The following GNS variants were observed in gnomAD, a reference collection of about 807,000 sequenced individuals.
The protein encoded by GNS is N-acetylglucosamine-6-sulfatase.
A neutral mutation model predicts 69.7 loss-of-function variants in GNS; 40 were observed. The observed-to-expected ratio is 0.57, with a 90% confidence interval of 0.45 to 0.75. The LOEUF is 0.75. GNS is among the 30% of genes least tolerant of loss of function. The pLI, the probability that GNS is intolerant of heterozygous loss-of-function variation, is 0.00. For synonymous variants in GNS, 243 were observed against 251.6 expected, an observed-to-expected ratio of 0.97 and a Z score of 0.32; for missense variants, 565 against 685.5, an observed-to-expected ratio of 0.82 and a Z score of 1.96.
At chr12:64,730,050 G>A (rs1212399449) in intron 9 of GNS, among the ~76,000 whole-genome samples, 1 of 152,160 alleles carries the variant, frequency 6.6e-6, no homozygotes, top group East Asian at 1.9e-4. Flanking sequence ...GAGAATGTAA[G>A]CATAGAAGTC....
In GNS at chr12:64,716,216, T is replaced by C. The variant is rs1868853512; in HGVS notation, c.*525A>G. 5.5e-6 allele frequency: 1 copy of C among 181,676 alleles called. No homozygotes were observed. Among genetic ancestry groups the C allele is most frequent in the Admixed American group, 5.3e-5 (1 of 18,748 alleles). The allele number at this position is 181,676 out of a possible 1,614,324, so 11.3% of individuals were successfully genotyped here. A position where few individuals can be genotyped will look rare whatever the true frequency, so the allele number is the denominator to read the frequency against. ...TGTATCTCTACTTATCAATCAACAA[T>C]GGTACTTGTTCTTACTTGGATGATT... On this transcript the variant is annotated 3_prime_UTR_variant, in exon 14 of 14. Coordinates refer to ENST00000258145, the MANE Select transcript of GNS (RefSeq NM_002076.4).
At chr12:64,742,675 C>T (rs1869784168) in intron 6 of GNS, among the ~76,000 whole-genome samples, 1 of 152,204 alleles carries the variant, frequency 6.6e-6, no homozygotes, top group Admixed American at 6.5e-5. Context: ...GTAATTGGCA[C>T]GTGAGGCAAA....
intron 9 of GNS, among the ~76,000 whole-genome samples, chr12:64,735,772 C>T (rs2136243935): frequency 1.3e-5 from 2 of 152,270 alleles, no homozygotes; most frequent in East Asian, 3.9e-4. Context: ...TGCTTATCTC[C>T]TTTGAAAGAG....
chr12:64,745,500 G>T (rs1052461610), intron 4 of GNS, among the ~76,000 whole-genome samples, 159 bp downstream of exon 4: 1 of 152,004 alleles, frequency 6.6e-6, no homozygotes, highest in Non-Finnish European at 1.5e-5. Flanking sequence ...GATTCTAGGC[G>T]TGAGCCACTA....
chr12:64,751,025 C>T (rs183493777), intron 2 of GNS, among the ~76,000 whole-genome samples: 10 of 152,180 alleles, frequency 6.6e-5, no homozygotes, highest in African/African-American at 2.4e-4. Context: ...CATTTCTGGC[C>T]CCAACCAGTT....
intron 2 of GNS, among the ~76,000 whole-genome samples, chr12:64,750,355 C>CTTTT (rs1870040912): frequency 1.3e-5 from 2 of 151,948 alleles, no homozygotes; most frequent in South Asian, 4.2e-4. Context: ...GCCCAATGCC[C>CTTTT]AGGTATTTTT....
At chr12:64,748,980 C>T (rs147410000) in intron 2 of GNS, among the ~76,000 whole-genome samples, 3,069 of 152,272 alleles carry the variant, frequency 0.02, 35 homozygotes, top group Non-Finnish European at 0.034. Context: ...CGCTGTGTCA[C>T]GCAGGCTGGA....
At chr12:64,737,291 ATCT>A (rs1869583618) in intron 8 of GNS, among the ~76,000 whole-genome samples, 184 bp from the exon 9 acceptor site, 3 of 152,256 alleles carry the variant, frequency 2.0e-5, no homozygotes, top group Admixed American at 1.3e-4. Context: ...CAACAAATTC[ATCT>A]TCTCTAAACA....
At chr12:64,757,738 TTTCTA>T (rs749399238) in intron 1 of GNS, among the ~76,000 whole-genome samples, 8 of 152,174 alleles carry the variant, frequency 5.3e-5, no homozygotes, top group African/African-American at 1.2e-4. Context: ...ACATGGACCT[TTTCTA>T]TTCTATTCTA....
intron 13 of GNS, among the ~76,000 whole-genome samples, chr12:64,718,957 A>C (rs750346198): frequency 7.9e-5 from 12 of 152,248 alleles, no homozygotes; most frequent in Non-Finnish European, 1.6e-4. Flanking sequence ...CTTGGAGGAA[A>C]GACCAAAGGA....
At chr12:64,744,074 G>A (rs753620991) in intron 5 of GNS, among the ~76,000 whole-genome samples, 3 of 152,130 alleles carry the variant, frequency 2.0e-5, no homozygotes, top group Non-Finnish European at 4.4e-5. Context: ...CCCTGACTCT[G>A]TAGCACTCTT....
chr12:64,737,499 A>G (rs1254834035), intron 8 of GNS, among the ~76,000 whole-genome samples: 2 of 152,228 alleles, frequency 1.3e-5, no homozygotes, highest in Non-Finnish European at 2.9e-5. Context: ...CTGCATCTCA[A>G]AATAACCAAA....
Position 64,745,668 on chromosome 12 carries a change from C to T in GNS, c.516G>A (p.Trp172Ter), listed in dbSNP as rs1171956360. Residue 172 changes from tryptophan (W) to a stop codon, truncating the protein, a stop_gained, in exon 4 of 14, where the codon TGG (tryptophan) becomes TGA (stop). Transcript: ENST00000258145. LOFTEE classifies it high-confidence loss of function. ...LEHVPLGWSY[W>*]YALEKNSKYY... is the part of the protein sequence containing the mutation. ...TTCAATAATCACTCACCAAGGCATA[C>T]CAGTAACTCCAACCCAGAGGAACGT... 1 of 1,593,110 alleles carries T rather than the reference C, an allele frequency of 6.3e-7. No homozygotes were observed. Among genetic ancestry groups the T allele is most frequent in the East Asian group, 2.2e-5 (1 of 44,774 alleles).
chr12:64,723,201 A>G, intron 10 of GNS, 88 bp from the exon 11 acceptor site: 1 of 816,496 alleles, frequency 1.2e-6, no homozygotes, highest in Non-Finnish European at 2.2e-6. Context: ...GGGACCTGGG[A>G]GTCAAAAGTA....
intron 1 of GNS, among the ~76,000 whole-genome samples, chr12:64,755,378 G>C (rs899887117): frequency 2.0e-5 from 3 of 152,026 alleles, no homozygotes; most frequent in African/African-American, 7.2e-5. Context: ...AAGAGTTCAA[G>C]ATCAGCCTGG....
intron 2 of GNS, 124 bp downstream of exon 2, chr12:64,752,574 C>T (rs955691050): frequency 4.5e-5 from 30 of 664,282 alleles, no homozygotes; most frequent in Non-Finnish European, 7.7e-5. Flanking sequence ...TAAATCCTTC[C>T]TTCAGATCAG....
chr12:64,737,097 G>A lies in GNS; in HGVS notation c.1005C>T (p.Ser335=). 1 of 1,548,372 alleles carries A rather than the reference G, an allele frequency of 6.5e-7. No individual in the cohort carries two copies. Among genetic ancestry groups the A allele is most frequent in the Non-Finnish European group, 8.9e-7 (1 of 1,119,986 alleles). The change falls in exon 9 of 14, where the codon TCC becomes TCT. Residue 335 remains serine, a synonymous_variant. Coordinates refer to ENST00000258145, the MANE Select transcript of GNS (RefSeq NM_002076.4). The stretch of plus-strand genomic sequence containing the variant: ...ACAGCTGTCTCTTGTCTATTGGCAA[G>A]GAAAACTGTCCTGAAAACAAAACAC... ...SDNGYHTGQF[S]LPIDKRQLYE... is the part of the protein sequence containing the mutation.
In GNS at chr12:64,737,155, T is replaced by C. The variant is rs369864878; in HGVS notation, c.995-48A>G. 39 of 965,642 alleles carry C rather than the reference T, an allele frequency of 4.0e-5. No individual in the cohort carries two copies. In the African/African-American group the frequency reaches 6.0e-4, roughly 15 times the overall value. 59.8% of individuals were successfully genotyped at this position (965,642 alleles called of 1,614,324 possible). A position where few individuals can be genotyped will look rare whatever the true frequency, so the allele number is the denominator to read the frequency against. Reference sequence around the variant, plus strand: ...AAAGATGGAGCCAAGACAGGAGCCTTGCTCATGTTATGTTTCACTCATTTA... The same window carrying C: ...AAAGATGGAGCCAAGACAGGAGCCTCGCTCATGTTATGTTTCACTCATTTA... On this transcript the variant is annotated intron_variant, in intron 8 of 13. Coordinates refer to ENST00000258145, the MANE Select transcript of GNS (RefSeq NM_002076.4).
intron 9 of GNS, among the ~76,000 whole-genome samples, chr12:64,731,310 C>T (rs1221417488): frequency 6.6e-6 from 1 of 152,198 alleles, no homozygotes; most frequent in Non-Finnish European, 1.5e-5. Flanking sequence ...CTTCTGAATT[C>T]AAGTGATCCG....
Sources: allele counts gnomAD v4.1 joint callset (sites outside exome capture counted in the v4.1 genomes callset), GRCh38; gene constraint gnomAD v4.1.1; transcripts MANE v1.5; gene names NCBI Gene and HGNC (gene_info 2026-07-23, HGNC 2026-07-21).